The following SLC5A6 variants were observed in gnomAD, a reference collection of about 807,000 sequenced individuals.
SLC5A6 encodes sodium-dependent multivitamin transporter.
A neutral mutation model predicts 67.9 loss-of-function variants in SLC5A6; 31 were observed. The ratio of observed to expected loss-of-function variants is 0.46; its 90% CI spans 0.34 to 0.62. The LOEUF (loss-of-function observed/expected upper bound fraction) is 0.62. Among genes scored for constraint, SLC5A6 ranks in the 20% least tolerant of loss-of-function variants. The pLI, the probability that SLC5A6 is intolerant of heterozygous loss-of-function variation, is 0.01. For synonymous variants in SLC5A6, 343 were observed against 331.0 expected, an observed-to-expected ratio of 1.04 and a Z score of -0.39; for missense variants, 673 against 812.8, an observed-to-expected ratio of 0.83 and a Z score of 2.09.
In SLC5A6 at chr2:27,201,784, C is replaced by T. The variant is rs765809420; in HGVS notation, c.1426G>A (p.Val476Met). 2.9e-5 allele frequency: 46 copies of T among 1,614,030 alleles called. No individual in the cohort carries two copies. Among genetic ancestry groups the T allele is most frequent in the Non-Finnish European group, 3.2e-5 (38 of 1,180,010 alleles). The change falls in exon 14 of 17, where the codon GTG (valine) becomes ATG (methionine). Residue 476 changes from valine to methionine, a missense_variant. Val to Met is a conservative substitution (Grantham distance 21). Transcript: ENST00000310574. ...GGCATGCTGGAGCCCATGCTGGTCA[C>T]GATGCTCCCGATGCCAATCCAGAAG... ...MAFWIGIGSI[V>M]TSMGSSMPPS...
intron 9 of SLC5A6, 70 bp downstream of exon 9, chr2:27,204,391 C>G (rs745370931): frequency 1.2e-4 from 179 of 1,517,278 alleles, no homozygotes; most frequent in Non-Finnish European, 1.4e-4. Flanking sequence ...GCAGTCAGTC[C>G]TTTCCTACCT....
chr2:27,206,801 T>C (rs921441386), intron 4 of SLC5A6, 76 bp downstream of exon 4: 12 of 1,173,278 alleles, frequency 1.0e-5, no homozygotes, highest in Non-Finnish European at 1.3e-5. Flanking sequence ...CAGGGGAGAC[T>C]CCAATTCCCT....
intron 12 of SLC5A6, 63 bp downstream of exon 12, chr2:27,202,750 C>A (rs554459410): frequency 1.9e-4 from 273 of 1,438,150 alleles, no homozygotes; most frequent in Non-Finnish European, 2.6e-4. Flanking sequence ...CCCTTCTCAA[C>A]TTCCTGTTTC....
Position 27,212,020 on chromosome 2 carries a change from T to C in SLC5A6, c.-208A>G. 1.4e-6 allele frequency: 1 copy of C among 690,460 alleles called. No individual in the cohort carries two copies. The highest frequency in any genetic ancestry group is 2.2e-6 in the Non-Finnish European group (1 of 446,520). 42.8% of individuals were successfully genotyped at this position (690,460 alleles called of 1,614,324 possible). ...CCGCTCGCCGTGCCGCCATGTTTAC[T>C]GAGGGCGGATGGAGGGGCCCGAGTT... On this transcript the variant is annotated splice_region_variant and 5_prime_UTR_variant, in exon 1 of 17. Coordinates refer to ENST00000310574, the MANE Select transcript of SLC5A6 (RefSeq NM_021095.4).
chr2:27,206,038 G>A lies in SLC5A6; in HGVS notation c.567C>T (p.Val189=). The part of the protein sequence containing the change: ...SVLALGIVCT[V]YTALGGLKAV... ...TTACTGCACTTACCAGAGCTGTATA[G>A]ACGGTACAGACAATGCCCAGGGCCA... Residue 189 remains valine, a synonymous_variant, in exon 6 of 17, where the codon GTC becomes GTT. Coordinates refer to ENST00000310574, the MANE Select transcript of SLC5A6 (RefSeq NM_021095.4). The A allele has an allele frequency of 6.2e-7, 1 of 1,613,764 alleles. No individual in the cohort carries two copies. The highest frequency in any genetic ancestry group is 1.1e-5 in the South Asian group (1 of 91,064).
chr2:27,204,653 C>T, intron 8 of SLC5A6, 63 bp from the exon 9 acceptor site: 2 of 1,603,216 alleles, frequency 1.2e-6, no homozygotes, highest in East Asian at 2.2e-5. Flanking sequence ...GGTGTGTGCC[C>T]CTGACCTCCA....
intron 10 of SLC5A6, 74 bp from the exon 11 acceptor site, chr2:27,203,419 G>A (rs1293261040): frequency 7.5e-7 from 1 of 1,337,870 alleles, no homozygotes; most frequent in East Asian, 2.3e-5. Flanking sequence ...TGGAGGAAAT[G>A]GTGTCCTAAA....
chr2:27,207,316 A>G lies in SLC5A6; in HGVS notation c.335T>C (p.Ile112Thr), dbSNP rs752572214. The change falls in exon 3 of 17, where the codon ATA becomes ACA. Residue 112 changes from isoleucine (I) to threonine (T), a missense_variant. Physicochemically the swap from Ile to Thr is moderately conservative, Grantham distance 89. Transcript: ENST00000310574. The surrounding 1 kb of genome is among the most constrained non-coding windows in gnomAD (Gnocchi z 5.5). Reference protein sequence around the residue: ...LGCCYFLGLLIPAHIFIPVFY... With the variant: ...LGCCYFLGLLTPAHIFIPVFY... ...AACGGGGATGAAGATGTGTGCAGGT[A>G]TCAGCAGCCCCAGAAAGTAGCAGCA... 5 of 1,614,026 alleles carry G rather than the reference A, an allele frequency of 3.1e-6. No homozygotes were observed. The highest frequency in any genetic ancestry group is 4.2e-6 in the Non-Finnish European group (5 of 1,180,052).
intron 4 of SLC5A6, among the ~76,000 whole-genome samples, 159 bp downstream of exon 4, chr2:27,206,718 G>A (rs1456960692): frequency 6.6e-6 from 1 of 152,162 alleles, no homozygotes; most frequent in Non-Finnish European, 1.5e-5. Context: ...GGAAGGCATG[G>A]GCAGCAGGAT....
chr2:27,206,975 A>T, intron 3 of SLC5A6, 33 bp from the exon 4 acceptor site: 1 of 1,551,640 alleles, frequency 6.4e-7, no homozygotes, highest in South Asian at 1.1e-5. Flanking sequence ...TTTTCTCCTG[A>T]CTTCACCCCG....
chr2:27,212,479 A>G, upstream of SLC5A6: 1 of 1,558,438 alleles, frequency 6.4e-7, no homozygotes, highest in Non-Finnish European at 8.7e-7. Flanking sequence ...TACAGAAGCA[A>G]GTTTGAGGTC....
In SLC5A6 at chr2:27,204,715, C is replaced by G. The variant is rs1673919531; in HGVS notation, c.875+76G>C. The G allele has an allele frequency of 3.1e-6, 5 of 1,605,486 alleles. 1 individual carries two copies. The highest frequency in any genetic ancestry group is 1.7e-4 in the Middle Eastern group (1 of 6,034). On this transcript the variant is annotated intron_variant, in intron 8 of 16. Transcript: ENST00000310574. ...GTGGATGTGTATGCACTCTGGCATC[C>G]TGCCCCACCCCAATTATCTCTGGGG...
intron 6 of SLC5A6, 45 bp from the exon 7 acceptor site, chr2:27,205,549 C>G (rs1673996764): frequency 6.2e-7 from 1 of 1,605,614 alleles, no homozygotes; most frequent in African/African-American, 1.3e-5. Context: ...CCTTCTAAAC[C>G]CAGCTTGTCC....
At position 27,200,472 on chromosome 2, in the gene SLC5A6, G is replaced by A. The variant is rs755810308; in HGVS notation, c.1872C>T (p.Ser624=). The stretch of plus-strand genomic sequence containing the variant: ...TCTCCTGGAGGATGCAGGTGGAGCT[G>A]CTCCCCTGATAGGCTGTGCCATCCA... ...MALDGTAYQG[S]SSTCILQETS... Residue 624 remains serine, a synonymous_variant, in exon 17 of 17, where the codon AGC becomes AGT. Transcript: ENST00000310574. The A allele has an allele frequency of 1.9e-6, 3 of 1,613,750 alleles. No individual in the cohort carries two copies. The highest frequency in any genetic ancestry group is 2.5e-6 in the Non-Finnish European group (3 of 1,179,858).
Position 27,201,857 on chromosome 2 carries a change from C to T in SLC5A6, c.1363-10G>A. 6.2e-7 allele frequency: 1 copy of T among 1,613,762 alleles called. No homozygotes were observed. The highest frequency in any genetic ancestry group is 1.3e-5 in the African/African-American group (1 of 75,040). The stretch of plus-strand genomic sequence containing the variant: ...GGCCCACAACAGCACCCTGCCGAGA[C>T]ACAGTGCAGGCCTGTCACAAGGCCA... On this transcript the variant is annotated splice_polypyrimidine_tract_variant and intron_variant, in intron 13 of 16. Transcript: ENST00000310574.
Position 27,207,838 on chromosome 2 carries a change from A to G in SLC5A6, c.-140-48T>C, listed in dbSNP as rs1424884069. On this transcript the variant is annotated intron_variant, in intron 2 of 16. Coordinates refer to ENST00000310574, the MANE Select transcript of SLC5A6 (RefSeq NM_021095.4). The surrounding 1 kb of genome is among the most constrained non-coding windows in gnomAD (Gnocchi z 5.5). ...TGAGGCCTATCTGGCCTTGGTAGCC[A>G]TTCACCCTTGGGCCTTGTACATCGC... is the stretch of plus-strand genomic sequence containing the variant. The G allele has an allele frequency of 1.6e-6, 1 of 614,108 alleles. No homozygotes were observed. Among genetic ancestry groups the G allele is most frequent in the African/African-American group, 1.8e-5 (1 of 54,078 alleles). The allele number at this position is 614,108 out of a possible 1,614,324, so 38.0% of individuals were successfully genotyped here.
At position 27,202,503 on chromosome 2, in the gene SLC5A6, C is replaced by CAAAAAAAA. The variant is rs10638396; in HGVS notation, c.1275+302_1275+309dup. ...TGAGCAACAGAATGAGACTCTGTCT[C>CAAAAAAAA]AAAAAAAAAAAAAAAAAAAAAAGAA... On this transcript the variant is annotated intron_variant, in intron 12 of 16. Transcript: ENST00000310574. Among the ~76,000 whole-genome samples, 42 of 72,226 alleles carry CAAAAAAAA rather than the reference C, an allele frequency of 5.8e-4. 5 individuals are homozygous for CAAAAAAAA. Among genetic ancestry groups the CAAAAAAAA allele is most frequent in the East Asian group, 2.7e-3 (5 of 1,820 alleles). 47.4% of individuals were successfully genotyped at this position (72,226 alleles called of 152,430 possible).
rs925709124 is a variant in SLC5A6, at chr2:27,202,835, G to T, written c.1253C>A (p.Ser418Tyr). ...LLCLGMAYIS[S>Y]QMGPVLQAAI... ...TACCTGCAGCACAGGTCCCATCTGG[G>T]AGGAAATATAGGCCATTCCTAGACA... is the stretch of plus-strand genomic sequence containing the variant. The change falls in exon 12 of 17, where the codon TCC becomes TAC. Residue 418 changes from serine to tyrosine, a missense_variant. By Grantham distance (144) the Ser-to-Tyr change is moderately radical (BLOSUM62 -2). Coordinates refer to ENST00000310574, the MANE Select transcript of SLC5A6 (RefSeq NM_021095.4). The T allele has an allele frequency of 3.7e-6, 6 of 1,614,070 alleles. No homozygotes were observed. The highest frequency in any genetic ancestry group is 5.1e-6 in the Non-Finnish European group (6 of 1,179,972).
rs199563714 is a variant in SLC5A6 at position 27,202,072 on chromosome 2, T to C, written c.1278A>G (p.Ala426=). The change falls in exon 13 of 17, where the codon GCA becomes GCG. Residue 426 remains alanine, a splice_region_variant and synonymous_variant. Transcript: ENST00000310574. ...CAACCATGCCAAAGATGCTGATTGC[T>C]GCCTAGGAGGACAGGGTGAGAAGAA... The part of the protein sequence containing the change: ...ISSQMGPVLQ[A]AISIFGMVGG... The C allele has an allele frequency of 1.4e-5, 23 of 1,612,260 alleles. No individual in the cohort carries two copies. In the East Asian group the frequency reaches 4.7e-4, roughly 33 times the overall value.
Sources: allele counts gnomAD v4.1 joint callset (sites outside exome capture counted in the v4.1 genomes callset), GRCh38; gene constraint gnomAD v4.1.1; non-coding constraint Gnocchi (gnomAD v3.1); transcripts MANE v1.5; gene names NCBI Gene and HGNC (gene_info 2026-07-23, HGNC 2026-07-21).